The following PPP1R9A variants were observed in gnomAD, a reference collection of about 807,000 sequenced individuals.
The protein encoded by PPP1R9A is neurabin-1.
A neutral mutation model predicts 141.9 loss-of-function variants in PPP1R9A; 59 were observed. The ratio of observed to expected loss-of-function variants is 0.42; its 90% CI spans 0.34 to 0.52. PPP1R9A has a LOEUF of 0.52. Among genes scored for constraint, PPP1R9A ranks in the 20% least tolerant of loss-of-function variants. The pLI, the probability that PPP1R9A is intolerant of heterozygous loss-of-function variation, is 0.10. For missense variants in PPP1R9A, 1,444 were observed against 1,611.9 expected, an observed-to-expected ratio of 0.90 and a Z score of 1.78; for synonymous variants, 500 against 569.7, an observed-to-expected ratio of 0.88 and a Z score of 1.74.
At chr7:95,037,545 T>A (rs989208627) in intron 2 of PPP1R9A, among the ~76,000 whole-genome samples, 1 of 152,202 alleles carries the variant, frequency 6.6e-6, no homozygotes, top group African/African-American at 2.4e-5. Context: ...GAAAGGTTCA[T>A]GGCTGAATCT....
chr7:95,199,362 C>A (rs1789019995), intron 6 of PPP1R9A, among the ~76,000 whole-genome samples: 1 of 152,164 alleles, frequency 6.6e-6, no homozygotes, highest in South Asian at 2.1e-4. Context: ...ATTCTTCATT[C>A]CAGCTAATAT....
chr7:94,909,414 G>A (rs1251008697), intron 1 of PPP1R9A, among the ~76,000 whole-genome samples: 1 of 152,144 alleles, frequency 6.6e-6, no homozygotes, highest in Non-Finnish European at 1.5e-5. Flanking sequence ...GCCGCTGTAG[G>A]CATGTTTTGG....
chr7:95,141,604 A>G (rs561634463), intron 4 of PPP1R9A, among the ~76,000 whole-genome samples: 5 of 151,172 alleles, frequency 3.3e-5, no homozygotes, highest in Non-Finnish European at 5.9e-5. Context: ...ATTTCATGTA[A>G]ATGGAATACA....
chr7:94,911,494 A>G lies in PPP1R9A; in HGVS notation c.1381A>G (p.Ser461Gly). 1 of 1,608,404 alleles carries G rather than the reference A, an allele frequency of 6.2e-7. No individual in the cohort carries two copies. Among genetic ancestry groups the G allele is most frequent in the Admixed American group, 1.7e-5 (1 of 59,982 alleles). Residue 461 changes from serine to glycine, a missense_variant, in exon 2 of 20, where the codon AGT becomes GGT. Ser to Gly is a moderately conservative substitution (Grantham distance 56). This residue lies in a region of PPP1R9A where 488 missense variants were observed against 542.0 expected (regional missense o/e 0.90). Coordinates refer to ENST00000433360, the MANE Select transcript of PPP1R9A (RefSeq NM_001166160.2). ...AGCAAATAGGAAAATTAAGTTTAGT[A>G]GTGCTCCTATTAAGGTAAGTGTGTT... ...IPANRKIKFS[S>G]APIKVFNTYS...
chr7:95,078,756 T>C (rs868317060), intron 2 of PPP1R9A, among the ~76,000 whole-genome samples: 3,663 of 151,256 alleles, frequency 0.024, 163 homozygotes, highest in African/African-American at 0.085. Context: ...TTTCATGTGT[T>C]TTTTGGCTGC....
rs1037102685 is a variant in PPP1R9A, at chr7:95,137,485, A to C, written c.1649+16653A>C. On this transcript the variant is annotated intron_variant, in intron 4 of 19. Coordinates refer to ENST00000433360, the MANE Select transcript of PPP1R9A (RefSeq NM_001166160.2). ...TGGCTTGCCTTAAAGCTTTTAGTTA[A>C]TGTGAGGATGTTGCTGGAAAAAAAT... 2.6e-5 allele frequency among the ~76,000 whole-genome samples: 4 copies of C among 151,154 alleles called. No individual in the cohort carries two copies. In the South Asian group the frequency reaches 8.4e-4, roughly 32 times the overall value.
intron 2 of PPP1R9A, among the ~76,000 whole-genome samples, chr7:94,964,602 T>G (rs1461398344): frequency 6.6e-6 from 1 of 152,204 alleles, no homozygotes; most frequent in Admixed American, 6.5e-5. Flanking sequence ...TTTCTGTTCC[T>G]GTCGTAGTTT....
chr7:95,027,671 A>G (rs1436762967), intron 2 of PPP1R9A, among the ~76,000 whole-genome samples: 1 of 152,242 alleles, frequency 6.6e-6, no homozygotes, highest in African/African-American at 2.4e-5. Context: ...CCTAAATGAT[A>G]TAGCCTGCTA....
intron 2 of PPP1R9A, among the ~76,000 whole-genome samples, chr7:95,023,397 C>T (rs908462464): frequency 6.6e-6 from 1 of 151,932 alleles, no homozygotes; most frequent in Admixed American, 6.6e-5. Context: ...GGCTAGCGGT[C>T]TATTTTGTTG....
At chr7:95,123,173 C>T (rs911201878) in intron 4 of PPP1R9A, among the ~76,000 whole-genome samples, 1 of 152,008 alleles carries the variant, frequency 6.6e-6, no homozygotes, top group African/African-American at 2.4e-5. Flanking sequence ...TTCTATTAAC[C>T]TATTTACTAA....
chr7:95,173,681 G>A (rs1231503683), intron 5 of PPP1R9A, among the ~76,000 whole-genome samples: 1 of 151,728 alleles, frequency 6.6e-6, no homozygotes, highest in Non-Finnish European at 1.5e-5. Context: ...ATATAATGGA[G>A]TTTTTAAATG....
At chr7:95,082,603 G>T (rs1050919137) in intron 2 of PPP1R9A, among the ~76,000 whole-genome samples, 2 of 151,760 alleles carry the variant, frequency 1.3e-5, no homozygotes, top group Non-Finnish European at 2.9e-5. Context: ...AGCATGGCAT[G>T]GGGGCGTGTG....
Position 95,198,386 on chromosome 7 carries a change from G to A in PPP1R9A, c.1792G>A (p.Glu598Lys), listed in dbSNP as rs1836602367. 1 of 1,612,568 alleles carries A rather than the reference G, an allele frequency of 6.2e-7. No homozygotes were observed. The highest frequency in any genetic ancestry group is 1.1e-5 in the South Asian group (1 of 90,826). ...IGREKPGQVSEVAQLISQTLE... is the reference protein window; with the variant it reads ...IGREKPGQVSKVAQLISQTLE... ...GCGGGAAAAACCAGGACAAGTGAGC[G>A]AGGTTGCCCAGTTGATAAGCCAGAC... The change falls in exon 6 of 20, where the codon GAG becomes AAG. Residue 598 changes from glutamate to lysine, a missense_variant. This residue lies in a region of PPP1R9A where 488 missense variants were observed against 542.0 expected (regional missense o/e 0.90). Coordinates refer to ENST00000433360, the MANE Select transcript of PPP1R9A (RefSeq NM_001166160.2).
At chr7:95,228,400 T>C (rs1237290349) in intron 8 of PPP1R9A, among the ~76,000 whole-genome samples, 1 of 152,218 alleles carries the variant, frequency 6.6e-6, no homozygotes, top group Non-Finnish European at 1.5e-5. Context: ...ATGTACCCAA[T>C]TTAATGTTTC....
chr7:94,959,911 G>A (rs749388570), intron 2 of PPP1R9A, among the ~76,000 whole-genome samples: 55 of 151,616 alleles, frequency 3.6e-4, no homozygotes, highest in South Asian at 4.1e-4. Flanking sequence ...TTGAGGCTGC[G>A]TGAAGAATTT....
At chr7:95,196,886 A>G (rs1275674943) in intron 5 of PPP1R9A, among the ~76,000 whole-genome samples, 1 of 152,146 alleles carries the variant, frequency 6.6e-6, no homozygotes. Flanking sequence ...TTTAAAATTC[A>G]TGTATTTTAT....
intron 4 of PPP1R9A, chr7:95,156,571 T>C (rs1829648579): frequency 6.6e-6 from 1 of 152,366 alleles, no homozygotes; most frequent in Admixed American, 6.5e-5. Context: ...GGAGCTTTAT[T>C]GATCAATAGA....
chr7:95,289,531 G>T (rs1806009733), intron 19 of PPP1R9A, among the ~76,000 whole-genome samples: 2 of 152,298 alleles, frequency 1.3e-5, no homozygotes, highest in Admixed American at 1.3e-4. Flanking sequence ...TGAATTCTAA[G>T]TTCATCGAGC....
intron 2 of PPP1R9A, among the ~76,000 whole-genome samples, chr7:94,960,122 C>T (rs1394297691): frequency 6.8e-6 from 1 of 146,084 alleles, no homozygotes; most frequent in Non-Finnish European, 1.5e-5. Flanking sequence ...ACCTTTTCAC[C>T]AAGCTTTAAA....
Sources: gnomAD v4.1 joint callset for allele counts (sites outside exome capture counted in the v4.1 genomes callset) on GRCh38, gnomAD v4.1.1 for gene constraint, gnomAD v4.1.1 regional missense constraint, MANE v1.5 for transcripts, NCBI Gene and HGNC (gene_info 2026-07-23, HGNC 2026-07-21) for gene names.